Variants in GAREM1 observed in about 807,000 individuals in gnomAD.
The protein encoded by GAREM1 is GRB2 associated regulator of MAPK1 subtype 1.
A neutral mutation model predicts 71.3 loss-of-function variants in GAREM1; 26 were observed. That is an observed-to-expected ratio of 0.36 (90% CI 0.27 to 0.51). The LOEUF (loss-of-function observed/expected upper bound fraction) is 0.51. Among genes scored for constraint, GAREM1 ranks in the 20% least tolerant of loss-of-function variants. The probability of loss-of-function intolerance (pLI) is 0.95; values close to 1 mark genes in which losing one functional copy is unlikely to be tolerated. For synonymous variants in GAREM1, 440 were observed against 433.2 expected (o/e 1.02, Z -0.20); for missense variants, 1,026 against 1,103.1 (o/e 0.93, Z 0.99).
At chr18:32,273,787 T>C (rs2041500002) in intron 4 of GAREM1, among the ~76,000 whole-genome samples, 1 of 151,866 alleles carries the variant, frequency 6.6e-6, no homozygotes, top group Non-Finnish European at 1.5e-5. Context: ...AGATGGGAAG[T>C]TGTCAGTGAT....
rs979283591 is a variant in GAREM1, at chr18:32,270,276, C to T, written c.1674G>A (p.Arg558=). 9 of 1,613,732 alleles carry T rather than the reference C, an allele frequency of 5.6e-6. No individual in the cohort carries two copies. The African/African-American group carries it at 6.7e-5, about 12-fold the overall frequency. Residue 558 remains arginine (R), a synonymous_variant, in exon 5 of 6, where the codon CGG becomes CGA. Coordinates refer to ENST00000269209, the MANE Select transcript of GAREM1 (RefSeq NM_001242409.2). ...TGGGGCTGGGAGAGCGAGTCTGTTG[C>T]CGCGCTGGCTTGACTGTGCGAGGAG... ...SIPPRTVKPA[R]QQTRSPSPTL... is the part of the protein sequence containing the mutation.
intron 1 of GAREM1, among the ~76,000 whole-genome samples, chr18:32,404,621 A>C (rs76856504): frequency 1.3e-5 from 2 of 152,364 alleles, no homozygotes; most frequent in Admixed American, 6.5e-5. Context: ...TTGGTCAACC[A>C]TCTGAAGCTG....
At chr18:32,404,787 G>A (rs1332630957) in intron 1 of GAREM1, among the ~76,000 whole-genome samples, 1 of 152,110 alleles carries the variant, frequency 6.6e-6, no homozygotes, top group Non-Finnish European at 1.5e-5. Context: ...GTAAAGCCTT[G>A]TCTATAGTGG....
chr18:32,315,743 A>G (rs1044172844), intron 2 of GAREM1, among the ~76,000 whole-genome samples: 3 of 152,000 alleles, frequency 2.0e-5, no homozygotes, highest in Non-Finnish European at 4.4e-5. Context: ...AAGTCGTTAA[A>G]TAAAGATTAC....
intron 1 of GAREM1, among the ~76,000 whole-genome samples, chr18:32,429,229 A>G (rs1599041294): frequency 6.6e-6 from 1 of 152,140 alleles, no homozygotes; most frequent in Admixed American, 6.6e-5. Flanking sequence ...ACTTAAAACT[A>G]TATGTCATTC....
At chr18:32,315,552 C>A (rs2047370723) in intron 2 of GAREM1, among the ~76,000 whole-genome samples, 1 of 146,822 alleles carries the variant, frequency 6.8e-6, no homozygotes, top group African/African-American at 2.5e-5. Context: ...TATATATATA[C>A]TTTTGCATTA....
At position 32,336,385 on chromosome 18, in the gene GAREM1, G is replaced by A. The variant is rs535712533; in HGVS notation, c.263-26062C>T. 5.4e-5 allele frequency among the ~76,000 whole-genome samples: 8 copies of A among 147,828 alleles called. No individual in the cohort carries two copies. The East Asian group carries it at 1.0e-3, about 19-fold the overall frequency. ...GTGGAGCTTGCAGTGAGCGAAGATC[G>A]CGCCACTGCACTCCAGCCTGGGCAA... is the stretch of plus-strand genomic sequence containing the variant. On this transcript the variant is annotated intron_variant, in intron 2 of 5. Transcript: ENST00000269209.
At chr18:32,338,077 T>G (rs571176946) in intron 2 of GAREM1, among the ~76,000 whole-genome samples, 6 of 152,260 alleles carry the variant, frequency 3.9e-5, no homozygotes, top group African/African-American at 1.4e-4. Context: ...TCTTCAGAGT[T>G]TCAATACTTA....
chr18:32,439,698 T>C (rs1261951448), intron 1 of GAREM1, among the ~76,000 whole-genome samples: 1 of 152,050 alleles, frequency 6.6e-6, no homozygotes, highest in South Asian at 2.1e-4. Context: ...TTATTTCTGG[T>C]AAGAATACGA....
chr18:32,288,350 T>C, intron 3 of GAREM1, 147 bp from the exon 4 acceptor site: 1 of 614,308 alleles, frequency 1.6e-6, no homozygotes, highest in South Asian at 2.2e-5. Context: ...ATTTCTTTTA[T>C]TATACTTACG....
chr18:32,434,882 A>C (rs917812096), intron 1 of GAREM1, among the ~76,000 whole-genome samples: 53 of 152,106 alleles, frequency 3.5e-4, no homozygotes, highest in Non-Finnish European at 1.5e-5. Context: ...TTATAAAGAG[A>C]GCAGTAGTAA....
intron 2 of GAREM1, among the ~76,000 whole-genome samples, chr18:32,364,272 T>G (rs769526606): frequency 3.0e-4 from 46 of 151,488 alleles, no homozygotes; most frequent in Non-Finnish European, 6.0e-4. Context: ...TGGCCTCAAG[T>G]GATCTGCTTG....
At chr18:32,388,249 AAAAT>A (rs1382974313) in intron 2 of GAREM1, among the ~76,000 whole-genome samples, 14 of 152,224 alleles carry the variant, frequency 9.2e-5, no homozygotes, top group Non-Finnish European at 1.5e-4. Flanking sequence ...GGTAAGTAAA[AAAAT>A]AAATAAACAG....
At chr18:32,442,093 A>C (rs187053945) in intron 1 of GAREM1, among the ~76,000 whole-genome samples, 36 of 152,230 alleles carry the variant, frequency 2.4e-4, no homozygotes, top group African/African-American at 8.2e-4. Context: ...AACATTATTG[A>C]TCTATCATTT....
chr18:32,392,630 T>C (rs1219118682), intron 2 of GAREM1, among the ~76,000 whole-genome samples: 3 of 152,220 alleles, frequency 2.0e-5, no homozygotes, highest in Non-Finnish European at 2.9e-5. Context: ...GTATTGATTT[T>C]AATTCCAAGA....
intron 1 of GAREM1, among the ~76,000 whole-genome samples, chr18:32,438,341 C>T (rs2048700433): frequency 6.6e-6 from 1 of 152,208 alleles, no homozygotes; most frequent in African/African-American, 2.4e-5. Flanking sequence ...ACAGGTCGTG[C>T]TAAGCCCTCA....
At chr18:32,345,275 T>C (rs1270677996) in intron 2 of GAREM1, among the ~76,000 whole-genome samples, 1 of 152,226 alleles carries the variant, frequency 6.6e-6, no homozygotes, top group African/African-American at 2.4e-5. Flanking sequence ...ATCTATGTAC[T>C]AGAAAGACCA....
chr18:32,392,441 G>A (rs1389579252), intron 2 of GAREM1, among the ~76,000 whole-genome samples: 1 of 152,144 alleles, frequency 6.6e-6, no homozygotes, highest in Non-Finnish European at 1.5e-5. Context: ...CTATTGAAAG[G>A]AGAGACATAT....
chr18:32,300,680 G>A (rs1303630502), intron 3 of GAREM1, among the ~76,000 whole-genome samples: 3 of 152,142 alleles, frequency 2.0e-5, no homozygotes, highest in Non-Finnish European at 4.4e-5. Flanking sequence ...GCCGAGGCGG[G>A]CAAATCGCTT....
Sources: allele counts gnomAD v4.1 joint callset (sites outside exome capture counted in the v4.1 genomes callset), GRCh38; gene constraint gnomAD v4.1.1; transcripts MANE v1.5; gene names NCBI Gene and HGNC (gene_info 2026-07-23, HGNC 2026-07-21).